Variants in KCTD4 observed in about 807,000 individuals in gnomAD.
KCTD4 encodes the protein BTB/POZ domain-containing protein KCTD4.
In KCTD4, 12 loss-of-function variants were observed where a neutral mutation model predicts 18.3. That is an observed-to-expected ratio of 0.66 (90% confidence interval 0.42 to 1.06). KCTD4 has a LOEUF of 1.06. Ranked by LOEUF, KCTD4 falls within the 50% of genes least tolerant of loss-of-function variation. KCTD4 has a pLI of 0.00. For missense variants in KCTD4, 250 were observed against 303.4 expected (o/e 0.82, Z 1.31); for synonymous variants, 124 against 110.5 (o/e 1.12, Z -0.76).
chr13:45,196,317 A>G (rs1164941893), intron 1 of KCTD4, among the ~76,000 whole-genome samples: 3 of 152,230 alleles, frequency 2.0e-5, no homozygotes, highest in African/African-American at 7.2e-5. Flanking sequence ...ACTTCACAGC[A>G]AAGCCAACAT....
Position 45,194,622 on chromosome 13 carries a change from G to C in KCTD4, c.-55C>G, listed in dbSNP as rs1276869508. 4 of 1,486,968 alleles carry C rather than the reference G, an allele frequency of 2.7e-6. No individual in the cohort carries two copies. Among genetic ancestry groups the C allele is most frequent in the Non-Finnish European group, 3.7e-6 (4 of 1,088,758 alleles). The allele number at this position is 1,486,968 out of a possible 1,614,324, so 92.1% of individuals were successfully genotyped here. A position where few individuals can be genotyped will look rare whatever the true frequency, so the allele number is the denominator to read the frequency against. On this transcript the variant is annotated 5_prime_UTR_variant, in exon 2 of 2. Transcript: ENST00000379108. ...TCTTGGCTTTGAGATTTTTTAAAAA[G>C]AGACACTACCACACAAGCACGCCTT...
Position 45,194,578 on chromosome 13 carries a change from T to C in KCTD4, c.-11A>G. 3.1e-6 allele frequency: 5 copies of C among 1,603,878 alleles called. No homozygotes were observed. Among genetic ancestry groups the C allele is most frequent in the Non-Finnish European group, 4.3e-6 (5 of 1,175,308 alleles). ...TATTTTACGCTCCATTTTTTGAAGA[T>C]GCTATTTCAGCTTGTTCTTCTTGGC... On this transcript the variant is annotated 5_prime_UTR_variant, in exon 2 of 2. Coordinates refer to ENST00000379108, the MANE Select transcript of KCTD4 (RefSeq NM_198404.3).
At chr13:45,197,141 C>T (rs1478236520) in intron 1 of KCTD4, among the ~76,000 whole-genome samples, 1 of 151,724 alleles carries the variant, frequency 6.6e-6, no homozygotes, top group Admixed American at 6.6e-5. Context: ...TGTCTTAGTG[C>T]CTGGCTTATA....
chr13:45,199,311 G>A (rs1873059290), intron 1 of KCTD4, among the ~76,000 whole-genome samples: 1 of 152,190 alleles, frequency 6.6e-6, no homozygotes, highest in South Asian at 2.1e-4. Context: ...GTCAAAAGGA[G>A]CACAAATAAA....
At chr13:45,198,118 G>A (rs1872994627) in intron 1 of KCTD4, among the ~76,000 whole-genome samples, 2 of 152,322 alleles carry the variant, frequency 1.3e-5, no homozygotes, top group South Asian at 2.1e-4. Context: ...CTTAGTATGA[G>A]TATATCCTAT....
Position 45,194,703 on chromosome 13 carries a change from T to G in KCTD4, c.-136A>C, listed in dbSNP as rs888972853. 1 of 774,658 alleles carries G rather than the reference T, an allele frequency of 1.3e-6. No homozygotes were observed. The highest frequency in any genetic ancestry group is 1.7e-5 in the African/African-American group (1 of 57,226). 48.0% of individuals were successfully genotyped at this position (774,658 alleles called of 1,614,324 possible). On this transcript the variant is annotated 5_prime_UTR_variant, in exon 2 of 2. Coordinates refer to ENST00000379108, the MANE Select transcript of KCTD4 (RefSeq NM_198404.3). ...AACGCTGGCAGCATCGCCTGCGCTG[T>G]CAGCTCGGTTTTGCAGTAGGTGGCG...
At position 45,194,496 on chromosome 13, in the gene KCTD4, A is replaced by G. The variant is rs778251048; in HGVS notation, c.72T>C (p.Thr24=). 1.9e-6 allele frequency: 3 copies of G among 1,614,116 alleles called. No individual in the cohort carries two copies. Among genetic ancestry groups the G allele is most frequent in the Middle Eastern group, 1.6e-4 (1 of 6,062 alleles). ...TGGATTTGCAGTTCTTTCCTTGATC[A>G]GTATCTTCCAGGCTGTTGTGTTTCC... The part of the protein sequence containing the change: ...YEGKHNSLED[T]DQGKNCKSTL... Residue 24 remains threonine, a synonymous_variant, in exon 2 of 2, where the codon ACT becomes ACC. Transcript: ENST00000379108.
intron 1 of KCTD4, among the ~76,000 whole-genome samples, chr13:45,196,602 A>G (rs982628854): frequency 6.6e-6 from 1 of 152,212 alleles, no homozygotes; most frequent in Non-Finnish European, 1.5e-5. Flanking sequence ...ATTTATAGGT[A>G]TAGTCCTCTT....
chr13:45,197,353 A>C (rs1872948545), intron 1 of KCTD4, among the ~76,000 whole-genome samples: 1 of 151,158 alleles, frequency 6.6e-6, no homozygotes, highest in Non-Finnish European at 1.5e-5. Context: ...AAAAAAAAAA[A>C]AAAAATTAGC....
In KCTD4 at chr13:45,194,291, G is replaced by C; in HGVS notation, c.277C>G (p.Leu93Val). Residue 93 changes from leucine to valine, a missense_variant, in exon 2 of 2, where the codon CTA becomes GTA. Coordinates refer to ENST00000379108, the MANE Select transcript of KCTD4 (RefSeq NM_198404.3). ...GGCAATAGAAGTTCTCCATTTCGTA[G>C]GAAGTTTAGGACATGCCTGAAGAGG... The part of the protein sequence containing the change: ...GLLFRHVLNF[L>V]RNGELLLPEG... 1 of 1,614,120 alleles carries C rather than the reference G, an allele frequency of 6.2e-7. No homozygotes were observed. Among genetic ancestry groups the C allele is most frequent in the Non-Finnish European group, 8.5e-7 (1 of 1,180,006 alleles).
At position 45,194,477 on chromosome 13, in the gene KCTD4, T is replaced by G; in HGVS notation, c.91A>C (p.Lys31Gln). The G allele has an allele frequency of 6.2e-7, 1 of 1,614,202 alleles. No individual in the cohort carries two copies. Among genetic ancestry groups the G allele is most frequent in the Non-Finnish European group, 8.5e-7 (1 of 1,180,008 alleles). ...ACGTTGAGGGTCATCAGTGTGGATT[T>G]GCAGTTCTTTCCTTGATCAGTATCT... ...LEDTDQGKNC[K>Q]STLMTLNVGG... The change falls in exon 2 of 2, where the codon AAA (lysine) becomes CAA (glutamine). Residue 31 changes from lysine to glutamine, a missense_variant. By Grantham distance (53) the Lys-to-Gln change is moderately conservative. Coordinates refer to ENST00000379108, the MANE Select transcript of KCTD4 (RefSeq NM_198404.3).
intron 1 of KCTD4, among the ~76,000 whole-genome samples, chr13:45,196,315 G>T (rs1369443508): frequency 6.6e-6 from 1 of 152,114 alleles, no homozygotes; most frequent in Non-Finnish European, 1.5e-5. Context: ...GGACTTCACA[G>T]CAAAGCCAAC....
At position 45,194,624 on chromosome 13, in the gene KCTD4, G is replaced by A. The variant is rs9534059; in HGVS notation, c.-57C>T. The stretch of plus-strand genomic sequence containing the variant: ...TTGGCTTTGAGATTTTTTAAAAAGA[G>A]ACACTACCACACAAGCACGCCTTTA... On this transcript the variant is annotated 5_prime_UTR_variant, in exon 2 of 2. Transcript: ENST00000379108. The A allele has an allele frequency of 0.21, 302,597 of 1,475,338 alleles. 32,635 individuals carry two copies. The highest frequency in any genetic ancestry group is 0.23 in the African/African-American group (16,203 of 71,176). 91.4% of individuals were successfully genotyped at this position (1,475,338 alleles called of 1,614,324 possible). A position where few individuals can be genotyped will look rare whatever the true frequency, so the allele number is the denominator to read the frequency against.
chr13:45,196,998 C>A (rs2138177173), intron 1 of KCTD4, among the ~76,000 whole-genome samples: 1 of 152,082 alleles, frequency 6.6e-6, no homozygotes, highest in Non-Finnish European at 1.5e-5. Flanking sequence ...GACTCTGAAC[C>A]ATTCCATCTT....
intron 1 of KCTD4, among the ~76,000 whole-genome samples, chr13:45,197,640 G>T (rs1872969401): frequency 6.6e-6 from 1 of 152,110 alleles, no homozygotes; most frequent in African/African-American, 2.4e-5. Flanking sequence ...GCCTGTGGTG[G>T]TACACATGCC....
In KCTD4 at chr13:45,194,631, C is replaced by A; in HGVS notation, c.-64G>T. ...TGAGATTTTTTAAAAAGAGACACTA[C>A]CACACAAGCACGCCTTTATTCAGCC... On this transcript the variant is annotated 5_prime_UTR_variant, in exon 2 of 2. Transcript: ENST00000379108. 1 of 1,406,778 alleles carries A rather than the reference C, an allele frequency of 7.1e-7. No homozygotes were observed. The highest frequency in any genetic ancestry group is 1.3e-5 in the South Asian group (1 of 76,192). 87.1% of individuals were successfully genotyped at this position (1,406,778 alleles called of 1,614,324 possible).
intron 1 of KCTD4, among the ~76,000 whole-genome samples, chr13:45,195,525 T>C (rs1236412188): frequency 6.8e-6 from 1 of 147,298 alleles, no homozygotes; most frequent in African/African-American, 2.7e-5. Context: ...GGTAAGTTAG[T>C]TTCTTGTTTG....
rs1872728968 is a variant in KCTD4 at position 45,193,322 on chromosome 13, T to C, written c.*466A>G. 1 of 154,536 alleles carries C rather than the reference T, an allele frequency of 6.5e-6. No individual in the cohort carries two copies. The allele number at this position is 154,536 out of a possible 1,614,324, so 9.6% of individuals were successfully genotyped here. A position where few individuals can be genotyped will look rare whatever the true frequency, so the allele number is the denominator to read the frequency against. ...TGTTTTAGTTAGATCTGCACATCTG[T>C]TTTGCTCCAGGTAGTTAATTTTGCC... On this transcript the variant is annotated 3_prime_UTR_variant, in exon 2 of 2. Transcript: ENST00000379108.
chr13:45,196,763 A>G (rs1442424621), intron 1 of KCTD4, among the ~76,000 whole-genome samples: 1 of 152,134 alleles, frequency 6.6e-6, no homozygotes, highest in Non-Finnish European at 1.5e-5. Flanking sequence ...TGGCCTGTCT[A>G]TAGATGTCTT....
Sources: allele counts gnomAD v4.1 joint callset (sites outside exome capture counted in the v4.1 genomes callset), GRCh38; gene constraint gnomAD v4.1.1; transcripts MANE v1.5; gene names NCBI Gene and HGNC (gene_info 2026-07-23, HGNC 2026-07-21).